Variants in TGFBR3 observed in about 807,000 individuals in gnomAD.
TGFBR3 encodes the protein transforming growth factor beta receptor 3.
TGFBR3 carries 46 observed loss-of-function variants against 87.9 expected under a neutral mutation model. That is an observed-to-expected ratio of 0.52 (90% confidence interval 0.41 to 0.67). The LOEUF (loss-of-function observed/expected upper bound fraction) is 0.67. Among genes scored for constraint, TGFBR3 ranks in the 30% least tolerant of loss-of-function variants. The pLI is 0.00. For synonymous variants in TGFBR3, 381 were observed against 391.6 expected (o/e 0.97, Z 0.32); for missense variants, 866 against 1,041.9 (o/e 0.83, Z 2.32).
chr1:91,733,224 G>T (rs1672836191), intron 5 of TGFBR3, among the ~76,000 whole-genome samples: 1 of 152,150 alleles, frequency 6.6e-6, no homozygotes, highest in Admixed American at 6.5e-5. Flanking sequence ...TGCTTATTTG[G>T]CTAGGACTTA....
intron 3 of TGFBR3, among the ~76,000 whole-genome samples, chr1:91,776,154 C>A (rs1466231362): frequency 6.6e-6 from 1 of 152,200 alleles, no homozygotes; most frequent in African/African-American, 2.4e-5. Flanking sequence ...ACACGCAACA[C>A]TGGGTGCAAC....
In TGFBR3 at chr1:91,903,830, C is replaced by T. The variant is rs143341050; in HGVS notation, c.-175+1996G>A. On this transcript the variant is annotated intron_variant, in intron 1 of 17. Transcript: ENST00000370399. ...ATGAATTCTTATGAACTGCTAGCTA[C>T]ATATGGTTGGCAAATTTAAAGAATC... Among the ~76,000 whole-genome samples, 433 of 152,224 alleles carry T rather than the reference C, an allele frequency of 2.8e-3. 3 individuals carry two copies. The highest frequency in any genetic ancestry group is 9.7e-3 in the African/African-American group (401 of 41,536).
rs548504371 is a variant in TGFBR3 at position 91,894,735 on chromosome 1, G to A, written c.-114+4902C>T. 4.6e-5 allele frequency among the ~76,000 whole-genome samples: 7 copies of A among 152,306 alleles called. No homozygotes were observed. In the South Asian group the frequency reaches 1.4e-3, roughly 32 times the overall value. ...GCTCCCAGGATCTAAATGTTGGCTT[G>A]TCCCAAGGCAATGTCCTTGGTCCTC... On this transcript the variant is annotated intron_variant, in intron 2 of 17. Transcript: ENST00000370399.
At chr1:91,890,534 C>T (rs1679423172), upstream of TGFBR3, among the ~76,000 whole-genome samples, 1 of 146,198 alleles carries the variant, frequency 6.8e-6, no homozygotes, top group African/African-American at 2.5e-5. Flanking sequence ...ATTCTTCTGC[C>T]TCAGCTTCCC....
chr1:91,830,715 G>C (rs1408300125), intron 2 of TGFBR3, among the ~76,000 whole-genome samples: 1 of 152,074 alleles, frequency 6.6e-6, no homozygotes, highest in Non-Finnish European at 1.5e-5. Context: ...TCTCGGTCTG[G>C]GGCACAGGAA....
intron 2 of TGFBR3, among the ~76,000 whole-genome samples, chr1:91,858,242 T>C (rs1457837282): frequency 6.6e-6 from 1 of 152,134 alleles, no homozygotes; most frequent in African/African-American, 2.4e-5. Flanking sequence ...TAAATTCAGC[T>C]CATCCAGAAT....
At chr1:91,753,054 A>T (rs1025723013) in intron 4 of TGFBR3, among the ~76,000 whole-genome samples, 5 of 151,860 alleles carry the variant, frequency 3.3e-5, no homozygotes, top group African/African-American at 1.2e-4. Context: ...AAGAAAAAAA[A>T]ATCAGGTACA....
At chr1:91,702,108 T>A (rs1218223193) in intron 14 of TGFBR3, among the ~76,000 whole-genome samples, 1 of 152,132 alleles carries the variant, frequency 6.6e-6, no homozygotes, top group Non-Finnish European at 1.5e-5. Flanking sequence ...CCAGGGACAC[T>A]GCTTAACATC....
At chr1:91,875,605 G>A (rs999676254) in intron 1 of TGFBR3, among the ~76,000 whole-genome samples, 1 of 151,942 alleles carries the variant, frequency 6.6e-6, no homozygotes, top group Non-Finnish European at 1.5e-5. Context: ...AAGGAAGACT[G>A]GGCTGGGCAC....
At chr1:91,684,675 T>C (rs1184720786) in intron 16 of TGFBR3, among the ~76,000 whole-genome samples, 1 of 152,200 alleles carries the variant, frequency 6.6e-6, no homozygotes, top group Non-Finnish European at 1.5e-5. Context: ...CACACATGGT[T>C]TGCATTTAAC....
At chr1:91,801,099 AAGAG>A (rs374344523) in intron 2 of TGFBR3, 15 of 175,130 alleles carry the variant, frequency 8.6e-5, no homozygotes, top group South Asian at 5.1e-4. Flanking sequence ...AAAAAAAAAA[AAGAG>A]AGAGAGAGAG....
intron 3 of TGFBR3, among the ~76,000 whole-genome samples, chr1:91,780,717 G>A (rs1481507295): frequency 1.3e-5 from 2 of 151,694 alleles, no homozygotes; most frequent in East Asian, 3.9e-4. Context: ...GCGTCACCAT[G>A]CCTGGCTAAT....
At chr1:91,721,586 C>T (rs576689893) in intron 8 of TGFBR3, among the ~76,000 whole-genome samples, 3 of 152,262 alleles carry the variant, frequency 2.0e-5, no homozygotes, top group South Asian at 4.2e-4. Context: ...TATGAGTCCT[C>T]GTGACTATTT....
At chr1:91,815,922 C>T (rs963147922) in intron 2 of TGFBR3, among the ~76,000 whole-genome samples, 1 of 152,142 alleles carries the variant, frequency 6.6e-6, no homozygotes, top group African/African-American at 2.4e-5. Context: ...ACAGTGTGAA[C>T]CTGGAAGGGC....
At chr1:91,867,782 G>C (rs1026255641) in intron 1 of TGFBR3, among the ~76,000 whole-genome samples, 5 of 152,172 alleles carry the variant, frequency 3.3e-5, no homozygotes, top group African/African-American at 1.2e-4. Flanking sequence ...GGCTTACCCA[G>C]CTGTGTTACA....
chr1:91,720,037 C>T lies in TGFBR3; in HGVS notation c.1269G>A (p.Arg423=), dbSNP rs1672307593. ...TGCTGGGAATGACAGGGTCCTTTGGCCGAGGGAGCCCATCTTCTCCCTCTT... is the reference window on the plus strand; with the variant it reads ...TGCTGGGAATGACAGGGTCCTTTGGTCGAGGGAGCCCATCTTCTCCCTCTT... The part of the protein sequence containing the change: ...WNEEGEDGLP[R]PKDPVIPSIQ... The change falls in exon 9 of 17, where the codon CGG becomes CGA. Residue 423 remains arginine, a synonymous_variant. Coordinates refer to ENST00000212355, the MANE Select transcript of TGFBR3 (RefSeq NM_003243.5). 1.2e-6 allele frequency: 2 copies of T among 1,614,070 alleles called. No individual in the cohort carries two copies. Among genetic ancestry groups the T allele is most frequent in the Admixed American group, 3.3e-5 (2 of 59,994 alleles).
intron 14 of TGFBR3, among the ~76,000 whole-genome samples, chr1:91,704,331 A>G (rs1214322114): frequency 6.7e-6 from 1 of 150,162 alleles, no homozygotes; most frequent in Non-Finnish European, 1.5e-5. Context: ...TTGTCTCAAA[A>G]AAAAAAAAAA....
intron 4 of TGFBR3, among the ~76,000 whole-genome samples, chr1:91,736,413 A>T (rs1672969418): frequency 6.8e-6 from 1 of 147,410 alleles, no homozygotes; most frequent in Non-Finnish European, 1.5e-5. Context: ...AACTCGGTGT[A>T]AACCAAAGCT....
chr1:91,845,679 C>A (rs984643984), intron 2 of TGFBR3, among the ~76,000 whole-genome samples: 4 of 152,120 alleles, frequency 2.6e-5, no homozygotes, highest in Admixed American at 1.3e-4. Context: ...TGTAGTATAC[C>A]CTGACCTTAA....
Sources: gnomAD v4.1 joint callset for allele counts (sites outside exome capture counted in the v4.1 genomes callset) on GRCh38, gnomAD v4.1.1 for gene constraint, MANE v1.5 for transcripts, NCBI Gene and HGNC (gene_info 2026-07-23, HGNC 2026-07-21) for gene names.